RGS8: variants seen among roughly 807,000 people sequenced by gnomAD.
RGS8 encodes regulator of G protein signaling 8, also known as regulator of G-protein signaling 8.
A neutral mutation model predicts 21.7 loss-of-function variants in RGS8; 8 were observed. That is an observed-to-expected ratio of 0.37 (90% CI 0.22 to 0.66). RGS8 has a LOEUF of 0.66. RGS8 is among the 30% of genes least tolerant of loss of function. RGS8 has a pLI of 0.59. For synonymous variants in RGS8, 80 were observed against 83.6 expected (o/e 0.96, Z 0.24); for missense variants, 157 against 217.9 (o/e 0.72, Z 1.76).
intron 1 of RGS8, among the ~76,000 whole-genome samples, chr1:182,680,034 A>G (rs1020493649): frequency 6.6e-5 from 10 of 151,912 alleles, no homozygotes; most frequent in Admixed American, 1.3e-4. Context: ...CCTCCCCTCC[A>G]TCCTCGCTAC....
At chr1:182,697,456 T>G in the RGS8 span, among the ~76,000 whole-genome samples, 3 of 152,344 alleles carry the variant, frequency 2.0e-5, no homozygotes, top group Admixed American at 2.0e-4. Context: ...TCAGTTCCCT[T>G]ATTCTTAAGT....
At chr1:182,720,652 T>C in the RGS8 span, among the ~76,000 whole-genome samples, 1 of 152,064 alleles carries the variant, frequency 6.6e-6, no homozygotes. Context: ...GTTCTGAGCA[T>C]GCCCAGTACA....
chr1:182,721,008 CATATAT>C, the RGS8 span, among the ~76,000 whole-genome samples: 16 of 90,282 alleles, frequency 1.8e-4, 1 homozygote, highest in Admixed American at 8.2e-4. Flanking sequence ...TGTATATATA[CATATAT>C]ACACATATAT....
upstream of RGS8, chr1:182,671,939 C>A (rs183684318): frequency 8.5e-6 from 12 of 1,409,812 alleles, no homozygotes; most frequent in Non-Finnish European, 1.0e-5. Flanking sequence ...CAGCCTACAC[C>A]CAGCGGGCGG....
At chr1:182,654,722 C>A (rs1287978) in intron 5 of RGS8, among the ~76,000 whole-genome samples, 118,297 of 152,092 alleles carry the variant, frequency 0.78, 46,096 homozygotes, top group African/African-American at 0.81. Context: ...AAAAAAAAAC[C>A]GTCATACAAT....
chr1:182,692,045 G>A, the RGS8 span, among the ~76,000 whole-genome samples: 1 of 143,390 alleles, frequency 7.0e-6, no homozygotes, highest in Non-Finnish European at 1.5e-5. Context: ...TTGCTCTGTT[G>A]CCCAGGCTGG....
At chr1:182,741,922 G>A in the RGS8 span, among the ~76,000 whole-genome samples, 2 of 141,590 alleles carry the variant, frequency 1.4e-5, no homozygotes, top group African/African-American at 2.6e-5. Flanking sequence ...GCTGCCGGGC[G>A]GAGACGCTCC....
intron 5 of RGS8, among the ~76,000 whole-genome samples, chr1:182,665,130 CA>C (rs1663790066): frequency 2.6e-5 from 4 of 152,224 alleles, no homozygotes; most frequent in Admixed American, 2.6e-4. Flanking sequence ...CTTCTAATAT[CA>C]CTGCGACATA....
At chr1:182,729,933 A>G in the RGS8 span, among the ~76,000 whole-genome samples, 1 of 152,236 alleles carries the variant, frequency 6.6e-6, no homozygotes, top group African/African-American at 2.4e-5. Flanking sequence ...AAAATAACAT[A>G]GGCCACGCTT....
chr1:182,659,823 A>G (rs1363817372), intron 5 of RGS8, among the ~76,000 whole-genome samples: 1 of 152,174 alleles, frequency 6.6e-6, no homozygotes, highest in Non-Finnish European at 1.5e-5. Flanking sequence ...CTCACAAAAA[A>G]AAAAGGGAAT....
chr1:182,718,702 G>A, the RGS8 span, among the ~76,000 whole-genome samples: 3 of 152,076 alleles, frequency 2.0e-5, no homozygotes, highest in African/African-American at 7.3e-5. Flanking sequence ...ATGGAAAAGG[G>A]GCTAGAGAAC....
the RGS8 span, among the ~76,000 whole-genome samples, chr1:182,724,245 T>TATAC: frequency 8.0e-6 from 1 of 125,734 alleles, no homozygotes; most frequent in East Asian, 2.4e-4. Flanking sequence ...TATATATATA[T>TATAC]ATCCTATTAT....
the RGS8 span, among the ~76,000 whole-genome samples, chr1:182,717,987 G>T: frequency 6.6e-6 from 1 of 152,268 alleles, no homozygotes; most frequent in Non-Finnish European, 1.5e-5. Context: ...TTTCATCAAA[G>T]GAGAGAATAC....
chr1:182,670,756 T>C (rs1454669163), intron 2 of RGS8, among the ~76,000 whole-genome samples: 5 of 152,230 alleles, frequency 3.3e-5, no homozygotes, highest in African/African-American at 1.2e-4. Context: ...AAAGATTGCT[T>C]TGTTAAAACT....
chr1:182,739,352 C>G, the RGS8 span, among the ~76,000 whole-genome samples: 1 of 152,150 alleles, frequency 6.6e-6, no homozygotes, highest in African/African-American at 2.4e-5. Context: ...TTCTCCCCAA[C>G]GCTGTCATCT....
the RGS8 span, among the ~76,000 whole-genome samples, chr1:182,717,362 G>A: frequency 5.9e-5 from 9 of 152,196 alleles, 1 homozygote; most frequent in African/African-American, 2.2e-4. Flanking sequence ...CTTTCCTATG[G>A]AAAAGAGTCA....
the RGS8 span, among the ~76,000 whole-genome samples, chr1:182,707,929 A>G: frequency 2.6e-5 from 4 of 152,138 alleles, no homozygotes; most frequent in South Asian, 6.2e-4. Flanking sequence ...GATGGTCTCG[A>G]TCTCCTGACC....
At chr1:182,691,152 T>C in the RGS8 span, among the ~76,000 whole-genome samples, 3 of 152,196 alleles carry the variant, frequency 2.0e-5, no homozygotes, top group East Asian at 5.8e-4. Flanking sequence ...AGCTCCAAAC[T>C]AGAAGAATTG....
chr1:182,671,543 G>A (rs572654140), intron 2 of RGS8, 114 bp downstream of exon 3: 17 of 873,100 alleles, frequency 1.9e-5, no homozygotes, highest in African/African-American at 5.1e-5. Context: ...TAGAGCCTCC[G>A]AGGGAAGAAA....
Sources: gnomAD v4.1 joint callset for allele counts (sites outside exome capture counted in the v4.1 genomes callset) on GRCh38, gnomAD v4.1.1 for gene constraint, MANE v1.5 for transcripts, NCBI Gene and HGNC (gene_info 2026-07-23, HGNC 2026-07-21) for gene names.